The following RTN4 variants were observed in gnomAD, a reference collection of about 807,000 sequenced individuals.
The protein encoded by RTN4 is reticulon-4.
Under a neutral mutation model 90.4 loss-of-function variants are expected in RTN4, and 32 were observed. That is an observed-to-expected ratio of 0.35 (90% confidence interval 0.27 to 0.48). The LOEUF is 0.48. RTN4 is among the 20% of genes least tolerant of loss of function. The probability of loss-of-function intolerance (pLI) is 0.99; values close to 1 mark genes in which losing one functional copy is unlikely to be tolerated. For missense variants in RTN4, 1,706 were observed against 1,430.2 expected (o/e 1.19, Z -3.11); for synonymous variants, 629 against 552.5 (o/e 1.14, Z -1.94).
At chr2:55,006,357 C>T (rs1293687523) in intron 3 of RTN4, among the ~76,000 whole-genome samples, 4 of 152,096 alleles carry the variant, frequency 2.6e-5, no homozygotes, top group African/African-American at 4.8e-5. Context: ...TTAATTAATG[C>T]CAAAGTTCCC....
At chr2:55,022,266 C>T (rs1281124917) in intron 3 of RTN4, among the ~76,000 whole-genome samples, 1 of 152,174 alleles carries the variant, frequency 6.6e-6, no homozygotes, top group Non-Finnish European at 1.5e-5. Flanking sequence ...CCAGTCATCA[C>T]CAAGCTGCTC....
chr2:55,115,897 T>G (rs943683342), upstream of RTN4, among the ~76,000 whole-genome samples: 4 of 152,154 alleles, frequency 2.6e-5, no homozygotes, highest in African/African-American at 4.8e-5. Flanking sequence ...TTGAAACATT[T>G]TGATGACTCA....
chr2:55,123,538 T>C, the RTN4 span, among the ~76,000 whole-genome samples: 8 of 152,028 alleles, frequency 5.3e-5, no homozygotes, highest in East Asian at 1.9e-4. Context: ...ATTATATCAA[T>C]TGAAAATGAA....
In RTN4 at chr2:55,025,217, T is replaced by C. The variant is rs1001468763; in HGVS notation, c.2882A>G (p.Gln961Arg). The change falls in exon 3 of 9, where the codon CAA becomes CGA. Residue 961 changes from glutamine (Q) to arginine (R), a missense_variant. Gln to Arg is a conservative substitution (Grantham distance 43). Transcript: ENST00000337526. ...LPPDVSALAT[Q>R]AEIESIVKPK... ...TTTAACTATGCTCTCTATCTCTGCT[T>C]GAGTGGCCAAAGCAGAAACATCTGG... The C allele has an allele frequency of 3.0e-5, 49 of 1,613,712 alleles. No individual in the cohort carries two copies. The highest frequency in any genetic ancestry group is 4.0e-5 in the Non-Finnish European group (47 of 1,179,826).
chr2:55,000,114 G>GA (rs1558786688), intron 3 of RTN4, among the ~76,000 whole-genome samples: 1 of 152,116 alleles, frequency 6.6e-6, no homozygotes, highest in East Asian at 1.9e-4. Flanking sequence ...AAGCTCAAGA[G>GA]ATAAGGTCAA....
upstream of RTN4, among the ~76,000 whole-genome samples, chr2:55,052,986 G>A (rs1222890957): frequency 1.3e-5 from 2 of 152,082 alleles, no homozygotes; most frequent in Non-Finnish European, 2.9e-5. Flanking sequence ...AGTCTCAAAG[G>A]AGTATCTTTA....
chr2:55,133,281 GAT>G, the RTN4 span, among the ~76,000 whole-genome samples: 1 of 152,188 alleles, frequency 6.6e-6, no homozygotes, highest in Non-Finnish European at 1.5e-5. Flanking sequence ...GGGTTCATAA[GAT>G]GTGTTGATAC....
intron 3 of RTN4, among the ~76,000 whole-genome samples, chr2:55,012,650 T>C (rs1246990757): frequency 6.6e-6 from 1 of 152,174 alleles, no homozygotes; most frequent in African/African-American, 2.4e-5. Flanking sequence ...GTAGGCACTA[T>C]GTAAGTGCTA....
intron 5 of RTN4, among the ~76,000 whole-genome samples, chr2:54,981,548 G>A (rs1481620157): frequency 6.6e-6 from 1 of 152,138 alleles, no homozygotes; most frequent in African/African-American, 2.4e-5. Context: ...CAACACAAAT[G>A]ACAAGTTCTA....
chr2:55,123,574 A>C, the RTN4 span, among the ~76,000 whole-genome samples: 1 of 152,104 alleles, frequency 6.6e-6, no homozygotes, highest in Non-Finnish European at 1.5e-5. Flanking sequence ...ACTTTTGATG[A>C]CCTCATAAAT....
chr2:55,115,845 A>G (rs916826131), upstream of RTN4, among the ~76,000 whole-genome samples: 5 of 152,110 alleles, frequency 3.3e-5, no homozygotes, highest in Admixed American at 2.6e-4. Context: ...CCTCCTCCCC[A>G]CAGTTCCTTT....
At chr2:55,125,239 G>A in the RTN4 span, among the ~76,000 whole-genome samples, 9 of 152,098 alleles carry the variant, frequency 5.9e-5, no homozygotes, top group Non-Finnish European at 8.8e-5. Context: ...CTATCGCAAC[G>A]AAAGCAAAAA....
At chr2:55,071,012 G>C (rs1343774026) in intron 2 of RTN4, among the ~76,000 whole-genome samples, 1 of 150,704 alleles carries the variant, frequency 6.6e-6, no homozygotes, top group Non-Finnish European at 1.5e-5. Flanking sequence ...TCCTGACCTC[G>C]TGATCTTCCC....
At chr2:55,089,796 G>T (rs1668905002) in intron 1 of RTN4, among the ~76,000 whole-genome samples, 1 of 152,174 alleles carries the variant, frequency 6.6e-6, no homozygotes, top group African/African-American at 2.4e-5. Context: ...CTTGTGCCTG[G>T]GGAGGAGGTC....
At chr2:55,014,665 T>C (rs1332181776) in intron 3 of RTN4, 1 of 152,222 alleles carries the variant, frequency 6.6e-6, no homozygotes, top group African/African-American at 2.4e-5. Context: ...TACAGGTGCG[T>C]GCCACCAAGC....
intron 1 of RTN4, among the ~76,000 whole-genome samples, chr2:55,109,544 G>A (rs1241966625): frequency 6.6e-6 from 1 of 152,118 alleles, no homozygotes; most frequent in African/African-American, 2.4e-5. Flanking sequence ...TGGAATTTCT[G>A]TCCTCTGAAA....
chr2:55,121,205 GAC>G, the RTN4 span, among the ~76,000 whole-genome samples: 2 of 152,222 alleles, frequency 1.3e-5, no homozygotes, highest in Non-Finnish European at 2.9e-5. Context: ...CAATGAATGA[GAC>G]AGTCAGTCCC....
chr2:55,118,448 G>A, the RTN4 span, among the ~76,000 whole-genome samples: 2 of 151,774 alleles, frequency 1.3e-5, no homozygotes, highest in Admixed American at 6.6e-5. Flanking sequence ...CTGGGCAATG[G>A]AGCAAGACCC....
intron 3 of RTN4, among the ~76,000 whole-genome samples, chr2:54,988,410 A>G (rs1678745063): frequency 6.6e-6 from 1 of 152,240 alleles, no homozygotes; most frequent in Non-Finnish European, 1.5e-5. Context: ...AAAAAATATT[A>G]ACACACTAAA....
Sources: gnomAD v4.1 joint callset for allele counts (sites outside exome capture counted in the v4.1 genomes callset) on GRCh38, gnomAD v4.1.1 for gene constraint, MANE v1.5 for transcripts, NCBI Gene and HGNC (gene_info 2026-07-23, HGNC 2026-07-21) for gene names.